FRMPD4: variants seen among roughly 807,000 people sequenced by gnomAD.
The protein encoded by FRMPD4 is FERM and PDZ domain-containing protein 4.
FRMPD4 carries 22 observed loss-of-function variants against 94.1 expected under a neutral mutation model. The ratio of observed to expected loss-of-function variants is 0.23; its 90% CI spans 0.17 to 0.33. The LOEUF is 0.33. FRMPD4 is among the 10% of genes least tolerant of loss of function. The pLI is 1.00. For synonymous variants in FRMPD4, 631 were observed against 548.6 expected (o/e 1.15, Z -2.10); for missense variants, 1,111 against 1,339.9 (o/e 0.83, Z 2.67).
chrX:12,476,466 G>A (rs1243950237), intron 1 of FRMPD4, among the ~76,000 whole-genome samples: 1 of 110,855 alleles, frequency 9.0e-6, no homozygotes, highest in African/African-American at 3.3e-5. Context: ...TGACAAATGG[G>A]ATCTAATTAA....
intron 4 of FRMPD4, among the ~76,000 whole-genome samples, chrX:12,642,427 T>TG (rs2148462559): frequency 9.0e-6 from 1 of 111,332 alleles, no homozygotes; most frequent in East Asian, 2.9e-4. Flanking sequence ...TAGAGTGCTT[T>TG]GGGGAGTGAA....
At chrX:12,185,538 C>G (rs2056414205) in intron 1 of FRMPD4, among the ~76,000 whole-genome samples, 1 of 111,325 alleles carries the variant, frequency 9.0e-6, no homozygotes, top group South Asian at 3.8e-4. Context: ...TTCCAAGGGT[C>G]CCTCTACGAC....
chrX:12,220,002 G>T (rs1392143147), intron 1 of FRMPD4, among the ~76,000 whole-genome samples: 7 of 111,581 alleles, frequency 6.3e-5, no homozygotes. Flanking sequence ...TTAGCCTGGC[G>T]TGGTGGCACA....
At chrX:12,166,744 A>G (rs2056126484) in intron 1 of FRMPD4, among the ~76,000 whole-genome samples, 1 of 111,565 alleles carries the variant, frequency 9.0e-6, no homozygotes. Context: ...TTATTGGTCT[A>G]TTAAGAGATT....
intron 3 of FRMPD4, among the ~76,000 whole-genome samples, chrX:12,016,964 C>T (rs2054607751): frequency 1.8e-5 from 2 of 112,125 alleles, no homozygotes; most frequent in East Asian, 5.6e-4. Context: ...CCTTTCTTTC[C>T]CCATTGACTA....
chrX:12,354,199 C>T (rs1188558777), intron 1 of FRMPD4, among the ~76,000 whole-genome samples: 4 of 112,173 alleles, frequency 3.6e-5, no homozygotes, highest in African/African-American at 6.5e-5. Context: ...ATTTGTCTAA[C>T]GCAAGTTCAT....
chrX:12,185,950 T>C (rs1171821210), intron 1 of FRMPD4, among the ~76,000 whole-genome samples: 3 of 111,662 alleles, frequency 2.7e-5, no homozygotes, highest in Non-Finnish European at 5.7e-5. Flanking sequence ...GTAGATGATG[T>C]TTTTGGCTGC....
At chrX:12,559,435 A>G (rs778433251) in intron 2 of FRMPD4, among the ~76,000 whole-genome samples, 2 of 111,431 alleles carry the variant, frequency 1.8e-5, no homozygotes, top group East Asian at 2.8e-4. Flanking sequence ...AGATCATTTG[A>G]GGTCAGGAGT....
chrX:12,076,872 T>C (rs1175658601), intron 3 of FRMPD4, among the ~76,000 whole-genome samples: 1 of 111,861 alleles, frequency 8.9e-6, no homozygotes, highest in Admixed American at 9.5e-5. Flanking sequence ...TTCCTAAATC[T>C]GCACTCAACC....
At chrX:12,653,274 G>A (rs1389821958) in intron 4 of FRMPD4, among the ~76,000 whole-genome samples, 1 of 112,157 alleles carries the variant, frequency 8.9e-6, no homozygotes, top group South Asian at 3.7e-4. Context: ...AAAGCCAATA[G>A]AACCTTTTTA....
At chrX:11,945,713 C>T (rs1946590631) in intron 3 of FRMPD4, among the ~76,000 whole-genome samples, 1 of 111,267 alleles carries the variant, frequency 9.0e-6, no homozygotes, top group South Asian at 3.8e-4. Context: ...TAACAACCAG[C>T]TCTCAAGTGA....
chrX:12,388,416 C>T (rs746754811), intron 1 of FRMPD4, among the ~76,000 whole-genome samples: 1 of 110,102 alleles, frequency 9.1e-6, no homozygotes, highest in East Asian at 2.9e-4. Flanking sequence ...ACCAGCCTGG[C>T]CAATATGGTG....
intron 1 of FRMPD4, among the ~76,000 whole-genome samples, chrX:12,196,907 A>AAATTG (rs139989732): frequency 9.1e-6 from 1 of 110,109 alleles, no homozygotes; most frequent in Non-Finnish European, 1.9e-5. Context: ...ACACACAATT[A>AAATTG]AATTGAATAA....
At chrX:12,276,871 C>T (rs1360262320) in intron 1 of FRMPD4, among the ~76,000 whole-genome samples, 3 of 111,079 alleles carry the variant, frequency 2.7e-5, no homozygotes, top group Non-Finnish European at 5.7e-5. Flanking sequence ...CCTGTAATCC[C>T]AGCACTTTGG....
At chrX:12,573,647 C>A (rs965730677) in intron 2 of FRMPD4, among the ~76,000 whole-genome samples, 1 of 112,615 alleles carries the variant, frequency 8.9e-6, no homozygotes, top group African/African-American at 3.2e-5. Flanking sequence ...ATAGTCTTAA[C>A]TCCCTGGTTG....
At chrX:12,273,976 T>G (rs979502709) in intron 1 of FRMPD4, among the ~76,000 whole-genome samples, 8 of 112,149 alleles carry the variant, frequency 7.1e-5, no homozygotes, top group Non-Finnish European at 1.3e-4. Flanking sequence ...TGGAATACTA[T>G]GATATCATAA....
intron 3 of FRMPD4, among the ~76,000 whole-genome samples, chrX:12,071,486 G>C (rs1473451906): frequency 5.4e-5 from 6 of 111,774 alleles, no homozygotes; most frequent in Non-Finnish European, 7.5e-5. Flanking sequence ...ACAATCCTAT[G>C]AGATAGATGT....
intron 1 of FRMPD4, among the ~76,000 whole-genome samples, chrX:12,349,508 T>G (rs768098901): frequency 2.7e-5 from 3 of 111,164 alleles, no homozygotes; most frequent in Non-Finnish European, 5.7e-5. Context: ...AAGACTCTTA[T>G]GCTCAGCCAA....
intron 3 of FRMPD4, among the ~76,000 whole-genome samples, chrX:11,897,650 G>A (rs1415412638): frequency 1.8e-5 from 2 of 112,193 alleles, no homozygotes; most frequent in Non-Finnish European, 3.8e-5. Flanking sequence ...TGTTACCAAA[G>A]ACTGCTTTTA....
Sources: allele counts gnomAD v4.1 joint callset (sites outside exome capture counted in the v4.1 genomes callset), GRCh38; gene constraint gnomAD v4.1.1; transcripts MANE v1.5; gene names NCBI Gene and HGNC (gene_info 2026-07-23, HGNC 2026-07-21).